The following ZNF66 variants were observed in gnomAD, a reference collection of about 807,000 sequenced individuals.
ZNF66 encodes putative zinc finger protein 66.
ZNF66 carries 32 observed loss-of-function variants against 35.2 expected under a neutral mutation model. The ratio of observed to expected loss-of-function variants is 0.91; its 90% confidence interval spans 0.69 to 1.22. ZNF66 has a LOEUF of 1.22. ZNF66 is among the 50% of genes most tolerant of loss of function. The probability of loss-of-function intolerance (pLI) is 0.00; values close to 1 mark genes in which losing one functional copy is unlikely to be tolerated. For missense variants in ZNF66, 666 were observed against 543.1 expected (o/e 1.23, Z -2.25); for synonymous variants, 231 against 181.3 (o/e 1.27, Z -2.20).
chr19:20,789,229 G>T (rs1284294897), intron 1 of ZNF66, among the ~76,000 whole-genome samples: 9 of 152,114 alleles, frequency 5.9e-5, no homozygotes, highest in African/African-American at 2.2e-4. Context: ...TACTGCAGTG[G>T]CATAGAGGGA....
At chr19:20,794,928 A>G (rs28593054) in intron 3 of ZNF66, among the ~76,000 whole-genome samples, 13,943 of 148,688 alleles carry the variant, frequency 0.094, 667 homozygotes, top group Middle Eastern at 0.12. Flanking sequence ...CTAAAGTGCA[A>G]TGGTGTGATT....
At position 20,805,878 on chromosome 19, in the gene ZNF66, A is replaced by G. The variant is rs112971942; in HGVS notation, c.278A>G (p.Asp93Gly). The change falls in exon 4 of 4, where the codon GAT becomes GGT. Residue 93 changes from aspartate (D) to glycine (G), a missense_variant. By Grantham distance (94) the Asp-to-Gly change is moderately conservative. Transcript: ENST00000344519. ...QDLWPEQSIK[D>G]SFQKLILRRH... Reference sequence around the variant, plus strand: ...CTTTGGCCAGAGCAGAGCATAAAAGATTCTTTCCAAAAACTGATACTGAGA... The same window carrying G: ...CTTTGGCCAGAGCAGAGCATAAAAGGTTCTTTCCAAAAACTGATACTGAGA... 1,698 of 652,136 alleles carry G rather than the reference A, an allele frequency of 2.6e-3. 28 individuals are homozygous for G. In the African/African-American group the frequency reaches 0.028, roughly 11 times the overall value. 40.4% of individuals were successfully genotyped at this position (652,136 alleles called of 1,614,324 possible).
At position 20,776,344 on chromosome 19, in the gene ZNF66, G is replaced by A; in HGVS notation, c.-104G>A. Reference sequence around the variant, plus strand: ...TGGAGCTCCAGGTCGTCTGTTCACTGCTCTCTGTCTTCTTCTCCTAGAGGC... The same window carrying A: ...TGGAGCTCCAGGTCGTCTGTTCACTACTCTCTGTCTTCTTCTCCTAGAGGC... On this transcript the variant is annotated 5_prime_UTR_variant, in exon 1 of 4. Coordinates refer to ENST00000344519, the MANE Select transcript of ZNF66 (RefSeq NM_001355197.2). 2.0e-6 allele frequency: 3 copies of A among 1,479,848 alleles called. No individual in the cohort carries two copies. The highest frequency in any genetic ancestry group is 2.8e-6 in the Non-Finnish European group (3 of 1,060,954). The allele number at this position is 1,479,848 out of a possible 1,614,324, so 91.7% of individuals were successfully genotyped here.
chr19:20,776,328 A>AG lies in ZNF66; in HGVS notation c.-118dup, dbSNP rs1482819634. 7.0e-7 allele frequency: 1 copy of AG among 1,434,722 alleles called. No individual in the cohort carries two copies. Among genetic ancestry groups the AG allele is most frequent in the African/African-American group, 1.4e-5 (1 of 71,218 alleles). 88.9% of individuals were successfully genotyped at this position (1,434,722 alleles called of 1,614,324 possible). Reference sequence around the variant, plus strand: ...TGTCTCTCCCTGCAGCTGGAGCTCCAGGTCGTCTGTTCACTGCTCTCTGTC... The same window carrying AG: ...TGTCTCTCCCTGCAGCTGGAGCTCCAGGGTCGTCTGTTCACTGCTCTCTGTC... On this transcript the variant is annotated 5_prime_UTR_variant, in exon 1 of 4. Transcript: ENST00000344519.
intron 1 of ZNF66, among the ~76,000 whole-genome samples, chr19:20,778,907 G>A (rs907964971): frequency 6.6e-6 from 1 of 151,660 alleles, no homozygotes; most frequent in Non-Finnish European, 1.5e-5. Flanking sequence ...ATTCTGACAT[G>A]GAAATTAAAG....
chr19:20,807,244 A>G lies in ZNF66; in HGVS notation c.1644A>G (p.Ser548=). 1 of 657,118 alleles carries G rather than the reference A, an allele frequency of 1.5e-6. No individual in the cohort carries two copies. The highest frequency in any genetic ancestry group is 2.7e-6 in the Non-Finnish European group (1 of 366,086). 40.7% of individuals were successfully genotyped at this position (657,118 alleles called of 1,614,324 possible). The change falls in exon 4 of 4, where the codon TCA becomes TCG. Residue 548 remains serine (S), a synonymous_variant. Coordinates refer to ENST00000344519, the MANE Select transcript of ZNF66 (RefSeq NM_001355197.2). ...KCNKCGKAFI[S]SSNLSRHEII... is the part of the protein sequence containing the mutation. The stretch of plus-strand genomic sequence containing the variant: ...ATAAATGTGGCAAAGCCTTTATTTC[A>G]TCCTCAAACCTTAGTAGACATGAGA...
intron 1 of ZNF66, among the ~76,000 whole-genome samples, chr19:20,788,551 C>T (rs1347678418): frequency 6.6e-6 from 1 of 151,948 alleles, no homozygotes; most frequent in East Asian, 2.0e-4. Context: ...ATTACAGTTG[C>T]TGGCCACCAT....
At chr19:20,792,416 G>T in intron 1 of ZNF66, 96 bp from the exon 2 acceptor site, 2 of 1,164,396 alleles carry the variant, frequency 1.7e-6, no homozygotes, top group South Asian at 3.3e-5. Context: ...CTATAAGTCA[G>T]AACCAGTTAT....
intron 1 of ZNF66, among the ~76,000 whole-genome samples, chr19:20,778,288 G>A (rs923856663): frequency 2.0e-5 from 3 of 152,032 alleles, no homozygotes; most frequent in African/African-American, 7.2e-5. Context: ...TTTTAGTAGA[G>A]ACAGGGTTTC....
At chr19:20,801,004 GTTATATACACA>G (rs559495357) in intron 3 of ZNF66, among the ~76,000 whole-genome samples, 108 of 152,052 alleles carry the variant, frequency 7.1e-4, no homozygotes, top group Admixed American at 3.6e-3. Context: ...GAGCCCTGAT[GTTATATACACA>G]TATACATATA....
At chr19:20,794,590 A>T (rs1179871395) in intron 3 of ZNF66, 2 of 151,562 alleles carry the variant, frequency 1.3e-5, no homozygotes, top group Non-Finnish European at 2.9e-5. Flanking sequence ...AAAATATTTT[A>T]AAATTAATTT....
At chr19:20,803,180 T>G (rs1230450823) in intron 3 of ZNF66, among the ~76,000 whole-genome samples, 2 of 134,066 alleles carry the variant, frequency 1.5e-5, no homozygotes, top group East Asian at 2.0e-4. Flanking sequence ...TTAATAAACC[T>G]TTTTATTTAA....
chr19:20,789,330 T>C (rs924875217), intron 1 of ZNF66, among the ~76,000 whole-genome samples: 11 of 152,088 alleles, frequency 7.2e-5, no homozygotes, highest in African/African-American at 2.7e-4. Context: ...TACCTTGGAG[T>C]CTTTCCTCAG....
intron 1 of ZNF66, among the ~76,000 whole-genome samples, chr19:20,787,983 G>A (rs1218547988): frequency 6.6e-6 from 1 of 152,182 alleles, no homozygotes; most frequent in Non-Finnish European, 1.5e-5. Context: ...AGGTATTTGA[G>A]GATGTTCAGA....
At chr19:20,805,563 C>CT (rs34028361) in intron 3 of ZNF66, among the ~76,000 whole-genome samples, 202 of 148,220 alleles carry the variant, frequency 1.4e-3, no homozygotes, top group African/African-American at 4.4e-3. Context: ...AAGTAACAGA[C>CT]TTTTTTTTTT....
At chr19:20,784,585 C>G (rs956210865) in intron 1 of ZNF66, 2 of 152,182 alleles carry the variant, frequency 1.3e-5, no homozygotes, top group Admixed American at 1.3e-4. Flanking sequence ...CAATCAGATT[C>G]TATTTCTTCA....
chr19:20,780,433 T>A (rs1202512759), intron 1 of ZNF66, among the ~76,000 whole-genome samples: 1 of 152,200 alleles, frequency 6.6e-6, no homozygotes, highest in Non-Finnish European at 1.5e-5. Context: ...TGCTAAGTTC[T>A]GTGAGTAGCT....
At chr19:20,794,558 T>C in intron 3 of ZNF66, 1 of 151,864 alleles carries the variant, frequency 6.6e-6, no homozygotes, top group Non-Finnish European at 1.5e-5. Context: ...TAATAATATT[T>C]ATTCTTTTAA....
At chr19:20,787,540 T>C (rs1421495051) in intron 1 of ZNF66, among the ~76,000 whole-genome samples, 1 of 152,220 alleles carries the variant, frequency 6.6e-6, no homozygotes, top group African/African-American at 2.4e-5. Flanking sequence ...AAAAGGCATT[T>C]TCTGCGTTGT....
Sources: allele counts gnomAD v4.1 joint callset (sites outside exome capture counted in the v4.1 genomes callset), GRCh38; gene constraint gnomAD v4.1.1; transcripts MANE v1.5; gene names NCBI Gene and HGNC (gene_info 2026-07-23, HGNC 2026-07-21).